CC2D2A: variants seen among roughly 807,000 people sequenced by gnomAD.
The protein encoded by CC2D2A is coiled-coil and C2 domain containing 2A.
In CC2D2A, 155 loss-of-function variants were observed where a neutral mutation model predicts 212.9. That is an observed-to-expected ratio of 0.73 (90% CI 0.64 to 0.83). The LOEUF (loss-of-function observed/expected upper bound fraction) is 0.83. CC2D2A is among the 40% of genes least tolerant of loss of function. The pLI, the probability that CC2D2A is intolerant of heterozygous loss-of-function variation, is 0.00. For synonymous variants in CC2D2A, 667 were observed against 686.5 expected, an observed-to-expected ratio of 0.97 and a Z score of 0.44; for missense variants, 1,856 against 1,956.2, an observed-to-expected ratio of 0.95 and a Z score of 0.97.
chr4:15,506,740 G>A (rs1172588158), intron 6 of CC2D2A, among the ~76,000 whole-genome samples: 2 of 152,098 alleles, frequency 1.3e-5, no homozygotes, highest in African/African-American at 4.8e-5. Context: ...AAGCCTTACT[G>A]ACCAAGCACA....
intron 15 of CC2D2A, among the ~76,000 whole-genome samples, 195 bp downstream of exon 15, chr4:15,537,271 A>G (rs1718182952): frequency 6.6e-6 from 1 of 152,332 alleles, no homozygotes; most frequent in East Asian, 1.9e-4. Flanking sequence ...TTAAAAAGCC[A>G]CCCAGCTGAC....
intron 23 of CC2D2A, among the ~76,000 whole-genome samples, chr4:15,562,092 T>C (rs566825384): frequency 6.6e-6 from 1 of 152,336 alleles, no homozygotes; most frequent in East Asian, 1.9e-4. Flanking sequence ...CCTTGGAGAA[T>C]AAACAGGAAC....
intron 2 of CC2D2A, 99 bp from the exon 3 acceptor site, chr4:15,478,624 T>G: frequency 1.2e-6 from 1 of 819,530 alleles, no homozygotes; most frequent in Non-Finnish European, 1.9e-6. Flanking sequence ...CATTACTGGA[T>G]AGAAGCCCAG....
chr4:15,492,851 T>C, intron 4 of CC2D2A: 2 of 593,920 alleles, frequency 3.4e-6, no homozygotes, highest in South Asian at 2.9e-5. Flanking sequence ...GCATCGAAGG[T>C]GGAAGAGTGG....
chr4:15,529,329 C>A (rs1417863021), intron 13 of CC2D2A, among the ~76,000 whole-genome samples: 1 of 151,546 alleles, frequency 6.6e-6, no homozygotes, highest in African/African-American at 2.4e-5. Flanking sequence ...CTGCAGTGAG[C>A]TAGGATTGCA....
In CC2D2A at chr4:15,510,318, G is replaced by A. The variant is rs928187999; in HGVS notation, c.540+78G>A. ...ATCCAATGACACATGACTACAGGCC[G>A]GGTGTGGTGGCTCACGCCTGCAATC... On this transcript the variant is annotated intron_variant, in intron 7 of 36. Coordinates refer to ENST00000424120, the MANE Select transcript of CC2D2A (RefSeq NM_001378615.1). 4.0e-5 allele frequency: 51 copies of A among 1,271,272 alleles called. No homozygotes were observed. In the African/African-American group the frequency reaches 4.9e-4, roughly 12 times the overall value. The allele number at this position is 1,271,272 out of a possible 1,614,324, so 78.7% of individuals were successfully genotyped here. A position where few individuals can be genotyped will look rare whatever the true frequency, so the allele number is the denominator to read the frequency against.
chr4:15,588,556 A>T (rs1720954668), intron 32 of CC2D2A, among the ~76,000 whole-genome samples: 1 of 152,172 alleles, frequency 6.6e-6, no homozygotes, highest in South Asian at 2.1e-4. Flanking sequence ...CAGTTTATCC[A>T]AAGAGGCCAC....
chr4:15,479,165 A>T (rs1305900052), intron 3 of CC2D2A: 1 of 1,291,898 alleles, frequency 7.7e-7, no homozygotes, highest in Non-Finnish European at 1.1e-6. Context: ...CACGATTACA[A>T]ATCTTGGGAA....
intron 34 of CC2D2A, 116 bp downstream of exon 34, chr4:15,596,323 G>A (rs921447585): frequency 4.6e-6 from 4 of 873,906 alleles, no homozygotes; most frequent in East Asian, 3.0e-5. Flanking sequence ...TTTATCAAAC[G>A]CATCTGAGCT....
Position 15,511,241 on chromosome 4 carries a change from C to T in CC2D2A, c.541-6C>T, listed in dbSNP as rs757151024. Reference sequence around the variant, plus strand: ...GAAATTGCGATTGCTCCTTGCTTTTCGTTAGGTTCCACCTGGCTTCCCTTC... The same window carrying T: ...GAAATTGCGATTGCTCCTTGCTTTTTGTTAGGTTCCACCTGGCTTCCCTTC... On this transcript the variant is annotated splice_region_variant and splice_polypyrimidine_tract_variant and intron_variant, in intron 7 of 36. Transcript: ENST00000424120. 9 of 1,591,514 alleles carry T rather than the reference C, an allele frequency of 5.7e-6. No homozygotes were observed. In the Admixed American group the frequency reaches 1.3e-4, roughly 22 times the overall value.
chr4:15,517,109 G>A (rs150635682), intron 11 of CC2D2A, among the ~76,000 whole-genome samples: 3,022 of 151,848 alleles, frequency 0.02, 52 homozygotes, highest in Middle Eastern at 0.051. Context: ...CACCTCGCCC[G>A]GCTAATTTTT....
chr4:15,598,385 A>AATC (rs930267717), intron 35 of CC2D2A, among the ~76,000 whole-genome samples: 15 of 152,240 alleles, frequency 9.9e-5, no homozygotes, highest in African/African-American at 3.6e-4. Context: ...GAGGCTTTAG[A>AATC]ATCAGCAGGG....
chr4:15,594,796 T>C (rs1022692745), intron 33 of CC2D2A, among the ~76,000 whole-genome samples: 5 of 152,282 alleles, frequency 3.3e-5, no homozygotes, highest in Middle Eastern at 3.4e-3. Context: ...ATGTGTCTAC[T>C]TGGTTTTTGT....
At position 15,567,723 on chromosome 4, in the gene CC2D2A, G is replaced by A. The variant is rs1383528242; in HGVS notation, c.3335G>A (p.Cys1112Tyr). Reference protein sequence around the residue: ...FVEVSFQRTVCHTTTAEGPNP... With the variant: ...FVEVSFQRTVYHTTTAEGPNP... ...GAAGTCTCTTTTCAACGAACAGTTTGCCATACGACTACGGCTGAAGGACCA... is the reference window on the plus strand; with the variant it reads ...GAAGTCTCTTTTCAACGAACAGTTTACCATACGACTACGGCTGAAGGACCA... Residue 1112 changes from cysteine to tyrosine, a missense_variant, in exon 26 of 37, where the codon TGC (cysteine) becomes TAC (tyrosine). This residue lies in a region of CC2D2A where 1,512 missense variants were observed against 1,579.3 expected (regional missense o/e 0.96). Coordinates refer to ENST00000424120, the MANE Select transcript of CC2D2A (RefSeq NM_001378615.1). 1 of 1,605,336 alleles carries A rather than the reference G, an allele frequency of 6.2e-7. No individual in the cohort carries two copies. Among genetic ancestry groups the A allele is most frequent in the Non-Finnish European group, 8.5e-7 (1 of 1,177,884 alleles).
At chr4:15,475,229 G>A (rs140787436) in intron 1 of CC2D2A, among the ~76,000 whole-genome samples, 77 of 152,330 alleles carry the variant, frequency 5.1e-4, no homozygotes, top group African/African-American at 1.7e-3. Flanking sequence ...AGCCGAGATC[G>A]TGCCACTGTA....
chr4:15,562,157 A>G (rs189643572), intron 23 of CC2D2A, among the ~76,000 whole-genome samples: 3 of 152,360 alleles, frequency 2.0e-5, no homozygotes, highest in Admixed American at 2.0e-4. Context: ...AGCTGTCAGC[A>G]GCGCCTAGAC....
chr4:15,530,250 C>T (rs1014308654), intron 13 of CC2D2A, among the ~76,000 whole-genome samples: 2 of 152,190 alleles, frequency 1.3e-5, no homozygotes, highest in Non-Finnish European at 1.5e-5. Flanking sequence ...GGATTACAGG[C>T]GTGAGCCACC....
intron 11 of CC2D2A, among the ~76,000 whole-genome samples, chr4:15,520,258 T>G (rs1294866938): frequency 6.6e-6 from 1 of 152,198 alleles, no homozygotes. Flanking sequence ...TACTGACAAG[T>G]ATCAGTGGAT....
At chr4:15,495,359 T>C (rs796845029) in intron 4 of CC2D2A, among the ~76,000 whole-genome samples, 3 of 152,290 alleles carry the variant, frequency 2.0e-5, no homozygotes, top group African/African-American at 7.2e-5. Flanking sequence ...TCCTCTCACC[T>C]CGGCCTCTCA....
Sources: gnomAD v4.1 joint callset for allele counts (sites outside exome capture counted in the v4.1 genomes callset) on GRCh38, gnomAD v4.1.1 for gene constraint, gnomAD v4.1.1 regional missense constraint, MANE v1.5 for transcripts, NCBI Gene and HGNC (gene_info 2026-07-23, HGNC 2026-07-21) for gene names.